Variants in PARVB observed in about 807,000 individuals in gnomAD.
PARVB encodes parvin beta, also known as beta-parvin.
A neutral mutation model predicts 47.0 loss-of-function variants in PARVB; 46 were observed. The ratio of observed to expected loss-of-function variants is 0.98; its 90% CI spans 0.77 to 1.25. The LOEUF (loss-of-function observed/expected upper bound fraction) is 1.25. Ranked by LOEUF, PARVB falls within the 50% of genes most tolerant of loss-of-function variation. The probability of loss-of-function intolerance (pLI) is 0.00; values close to 1 mark genes in which losing one functional copy is unlikely to be tolerated. For synonymous variants in PARVB, 196 were observed against 196.3 expected, an observed-to-expected ratio of 1.00 and a Z score of 0.01; for missense variants, 473 against 471.6, an observed-to-expected ratio of 1.00 and a Z score of -0.03.
At chr22:44,000,937 C>T (rs964392187) in intron 2 of PARVB, among the ~76,000 whole-genome samples, 6 of 152,216 alleles carry the variant, frequency 3.9e-5, no homozygotes, top group East Asian at 1.9e-4. Context: ...GTCAACATGT[C>T]TTCATTATGC....
At chr22:44,149,053 T>G (rs2053747552) in intron 9 of PARVB, 1 of 152,130 alleles carries the variant, frequency 6.6e-6, no homozygotes, top group Non-Finnish European at 1.5e-5. Flanking sequence ...ACTTATCAGC[T>G]GTGTGACTTC....
chr22:44,061,982 A>T (rs1214156361), intron 1 of PARVB, among the ~76,000 whole-genome samples: 3 of 152,230 alleles, frequency 2.0e-5, no homozygotes, highest in Non-Finnish European at 4.4e-5. Flanking sequence ...TTCTGAGCTT[A>T]CAAATTTTAG....
At chr22:44,064,397 C>T (rs182121370) in intron 1 of PARVB, among the ~76,000 whole-genome samples, 7 of 152,016 alleles carry the variant, frequency 4.6e-5, no homozygotes, top group African/African-American at 1.7e-4. Context: ...TGTGTGGACT[C>T]GCGTTTGTTG....
chr22:44,159,720 TG>T, intron 11 of PARVB, among the ~76,000 whole-genome samples: 2 of 152,278 alleles, frequency 1.3e-5, no homozygotes, highest in Admixed American at 1.3e-4. Context: ...TTATCTACCT[TG>T]TAGTCTTCGT....
chr22:44,021,625 T>A (rs2050648718), upstream of PARVB, among the ~76,000 whole-genome samples: 1 of 152,168 alleles, frequency 6.6e-6, no homozygotes, highest in Non-Finnish European at 1.5e-5. Flanking sequence ...ATGGGAATTA[T>A]GAGCCAGGCA....
At chr22:44,054,323 T>C (rs553888503) in intron 1 of PARVB, among the ~76,000 whole-genome samples, 1 of 152,292 alleles carries the variant, frequency 6.6e-6, no homozygotes, top group African/African-American at 2.4e-5. Context: ...CAAGTGATCC[T>C]CCCACCTCAG....
rs1601682108 is a variant in PARVB at position 44,147,803 on chromosome 22, G to C, written c.713-58G>C. The C allele has an allele frequency of 1.7e-5, 25 of 1,444,334 alleles. No homozygotes were observed. In the East Asian group the frequency reaches 5.7e-4, roughly 33 times the overall value. 89.5% of individuals were successfully genotyped at this position (1,444,334 alleles called of 1,614,324 possible). On this transcript the variant is annotated intron_variant, in intron 8 of 12. Coordinates refer to ENST00000338758, the MANE Select transcript of PARVB (RefSeq NM_013327.5). ...CAGAAGCTGGCAGGGCCCTGGATTAGGGCAGCACCACGGGTTTCCATAAAC... is the reference window on the plus strand; with the variant it reads ...CAGAAGCTGGCAGGGCCCTGGATTACGGCAGCACCACGGGTTTCCATAAAC...
rs1341090921 is a variant in PARVB, at chr22:44,071,110, G to T, written c.113-22818G>T. 1.3e-5 allele frequency among the ~76,000 whole-genome samples: 2 copies of T among 152,122 alleles called. 1 individual carries two copies. Among genetic ancestry groups the T allele is most frequent in the East Asian group, 3.9e-4 (2 of 5,176 alleles). On this transcript the variant is annotated intron_variant, in intron 1 of 12. Transcript: ENST00000338758. ...TCCTGGGGCCAGTGTGGGGTGTGGG[G>T]GAACAGATACTGAGCGCTCTGTCCC...
intron 2 of PARVB, among the ~76,000 whole-genome samples, chr22:44,016,677 C>A (rs1347687341): frequency 6.6e-6 from 1 of 152,088 alleles, no homozygotes; most frequent in Non-Finnish European, 1.5e-5. Context: ...CTGAAGGGGG[C>A]TGGAAGGGTC....
intron 2 of PARVB, among the ~76,000 whole-genome samples, chr22:44,008,782 G>A (rs1173554771): frequency 1.3e-5 from 2 of 151,972 alleles, no homozygotes; most frequent in African/African-American, 4.8e-5. Context: ...TCAGGAAATC[G>A]AGATCATCAT....
intron 10 of PARVB, chr22:44,153,652 A>G (rs1032560769): frequency 2.0e-5 from 3 of 152,214 alleles, no homozygotes; most frequent in Non-Finnish European, 4.4e-5. Context: ...TCTAAATAAC[A>G]GTGGATCTTA....
intron 10 of PARVB, among the ~76,000 whole-genome samples, chr22:44,154,498 G>A (rs1168464519): frequency 3.3e-5 from 5 of 150,034 alleles, no homozygotes; most frequent in Non-Finnish European, 7.4e-5. Flanking sequence ...AGTCTGTTGG[G>A]GGTGTGTGTG....
At chr22:44,086,233 T>G (rs1205444827) in intron 1 of PARVB, among the ~76,000 whole-genome samples, 1 of 152,192 alleles carries the variant, frequency 6.6e-6, no homozygotes, top group Non-Finnish European at 1.5e-5. Flanking sequence ...CCCACATCCA[T>G]TTCTCGGCAA....
Position 44,172,534 on chromosome 22 carries a change from G to A in PARVB, c.*3856G>A, listed in dbSNP as rs2054278957. 1 of 169,302 alleles carries A rather than the reference G, an allele frequency of 5.9e-6. No individual in the cohort carries two copies. Among genetic ancestry groups the A allele is most frequent in the Non-Finnish European group, 1.3e-5 (1 of 76,940 alleles). 10.5% of individuals were successfully genotyped at this position (169,302 alleles called of 1,614,324 possible). A position where few individuals can be genotyped will look rare whatever the true frequency, so the allele number is the denominator to read the frequency against. On this transcript the variant is annotated 3_prime_UTR_variant, in exon 13 of 13. Transcript: ENST00000338758. Reference sequence around the variant, plus strand: ...TGTCTCTCAACCCACACCAGCTAGGGGAGCCTCCCGCAGCTTCAGTTCCCC... The same window carrying A: ...TGTCTCTCAACCCACACCAGCTAGGAGAGCCTCCCGCAGCTTCAGTTCCCC...
At chr22:44,091,309 A>T (rs551022610) in intron 1 of PARVB, among the ~76,000 whole-genome samples, 6 of 149,478 alleles carry the variant, frequency 4.0e-5, no homozygotes, top group African/African-American at 1.2e-4. Flanking sequence ...ATTTAAAAAA[A>T]TTGTTGTAAA....
At chr22:44,132,525 A>G (rs1291264267) in intron 5 of PARVB, among the ~76,000 whole-genome samples, 1 of 152,146 alleles carries the variant, frequency 6.6e-6, no homozygotes. Context: ...TTTTAGTGCC[A>G]GAGATAATAA....
At chr22:44,096,154 GGC>G in intron 2 of PARVB, among the ~76,000 whole-genome samples, 1 of 152,326 alleles carries the variant, frequency 6.6e-6, no homozygotes, top group Admixed American at 6.5e-5. Context: ...GAATCCAGGA[GGC>G]GGAGGTTGCA....
upstream of PARVB, among the ~76,000 whole-genome samples, chr22:44,023,596 A>ATAAAAT (rs2050681440): frequency 6.8e-6 from 1 of 147,876 alleles, no homozygotes; most frequent in Non-Finnish European, 1.5e-5. Flanking sequence ...ATAAAATAAA[A>ATAAAAT]TAAAATAAAA....
At chr22:44,146,196 G>T (rs946276046) in intron 8 of PARVB, 1 of 130,062 alleles carries the variant, frequency 7.7e-6, no homozygotes. Flanking sequence ...ACGCACACCC[G>T]TGCTCACACG....
Sources: gnomAD v4.1 joint callset for allele counts (sites outside exome capture counted in the v4.1 genomes callset) on GRCh38, gnomAD v4.1.1 for gene constraint, MANE v1.5 for transcripts, NCBI Gene and HGNC (gene_info 2026-07-23, HGNC 2026-07-21) for gene names.